LRP1B: variants seen among roughly 807,000 people sequenced by gnomAD.
LRP1B encodes the protein LDL receptor related protein 1B, also known as low-density lipoprotein receptor-related protein 1B.
In LRP1B, 217 loss-of-function variants were observed where a neutral mutation model predicts 556.6. That is an observed-to-expected ratio of 0.39 (90% CI 0.35 to 0.44). LRP1B has a LOEUF of 0.44. Ranked by LOEUF, LRP1B falls within the 20% of genes least tolerant of loss-of-function variation. The pLI, the probability that LRP1B is intolerant of heterozygous loss-of-function variation, is 1.00. For missense variants in LRP1B, 5,053 were observed against 5,620.8 expected, an observed-to-expected ratio of 0.90 and a Z score of 3.23; for synonymous variants, 2,047 against 1,865.8, an observed-to-expected ratio of 1.10 and a Z score of -2.50.
chr2:141,098,731 C>T (rs1018107462), intron 7 of LRP1B, among the ~76,000 whole-genome samples: 132 of 152,322 alleles, frequency 8.7e-4, no homozygotes, highest in Non-Finnish European at 4.3e-4. Context: ...GATCTTGGCT[C>T]ACTGAAACCT....
At chr2:141,955,733 G>A (rs1701228923) in intron 1 of LRP1B, among the ~76,000 whole-genome samples, 1 of 152,014 alleles carries the variant, frequency 6.6e-6, no homozygotes, top group African/African-American at 2.4e-5. Context: ...CACAGCTACT[G>A]TTGCCCGACC....
rs2104906682 is a variant in LRP1B, at chr2:140,506,776, G to C, written c.8521+20C>G. 1 of 1,596,772 alleles carries C rather than the reference G, an allele frequency of 6.3e-7. No homozygotes were observed. The highest frequency in any genetic ancestry group is 8.5e-7 in the Non-Finnish European group (1 of 1,173,704). ...CTCTTAGCCTAGGAATCTCCTTCAT[G>C]AAGTTTTAGATGTACTTACCACACT... On this transcript the variant is annotated intron_variant, in intron 53 of 90. Coordinates refer to ENST00000389484, the MANE Select transcript of LRP1B (RefSeq NM_018557.3).
At chr2:141,677,109 G>A (rs970894627) in intron 2 of LRP1B, among the ~76,000 whole-genome samples, 8 of 152,218 alleles carry the variant, frequency 5.3e-5, no homozygotes, top group Non-Finnish European at 1.2e-4. Context: ...GGCTGGAAGA[G>A]AAAGAAATAA....
intron 2 of LRP1B, among the ~76,000 whole-genome samples, chr2:141,628,447 TA>T (rs552106778): frequency 1.8e-3 from 259 of 147,798 alleles, no homozygotes; most frequent in Admixed American, 2.7e-3. Context: ...GAATAGGATG[TA>T]AAAAAAAAAA....
intron 3 of LRP1B, among the ~76,000 whole-genome samples, chr2:141,413,400 T>A (rs558424818): frequency 1.3e-5 from 2 of 152,044 alleles, no homozygotes; most frequent in East Asian, 3.9e-4. Flanking sequence ...GATGAAGGAA[T>A]GAGGCCATGA....
At chr2:140,542,084 GA>G in intron 43 of LRP1B, 113 bp from the exon 44 acceptor site, 1 of 601,754 alleles carries the variant, frequency 1.7e-6, no homozygotes, top group South Asian at 4.4e-5. Context: ...TTAATTAACA[GA>G]AATCATCAGA....
chr2:141,814,035 G>C lies in LRP1B; in HGVS notation c.83-3634C>G, dbSNP rs756715822. Among the ~76,000 whole-genome samples the C allele has an allele frequency of 7.9e-5, 12 of 152,246 alleles. No homozygotes were observed. The South Asian group carries it at 2.5e-3, about 32-fold the overall frequency. ...GAACCAATTGGAGGCAGAAGTGAAGGCTTGGCCCGCAACCAATTGAGAGCT... is the reference window on the plus strand; with the variant it reads ...GAACCAATTGGAGGCAGAAGTGAAGCCTTGGCCCGCAACCAATTGAGAGCT... On this transcript the variant is annotated intron_variant, in intron 1 of 90. Coordinates refer to ENST00000389484, the MANE Select transcript of LRP1B (RefSeq NM_018557.3).
chr2:141,459,251 A>G (rs7578492), intron 3 of LRP1B, among the ~76,000 whole-genome samples: 141,726 of 152,178 alleles, frequency 0.93, 66,850 homozygotes, highest in East Asian at 1. Flanking sequence ...ACGTGTATGT[A>G]TATGTGTGTG....
chr2:141,432,071 T>C (rs531933129), intron 3 of LRP1B, among the ~76,000 whole-genome samples: 125 of 152,258 alleles, frequency 8.2e-4, no homozygotes, highest in African/African-American at 2.9e-3. Flanking sequence ...AGTCTTTCAC[T>C]ACCAAGTATG....
At chr2:141,363,308 G>C (rs1688903782) in intron 3 of LRP1B, among the ~76,000 whole-genome samples, 2 of 152,136 alleles carry the variant, frequency 1.3e-5, no homozygotes, top group Non-Finnish European at 2.9e-5. Flanking sequence ...AACTTTCTAA[G>C]CTGAGCTTTA....
At chr2:140,625,157 G>A (rs894443370) in intron 41 of LRP1B, among the ~76,000 whole-genome samples, 7 of 152,160 alleles carry the variant, frequency 4.6e-5, no homozygotes, top group Non-Finnish European at 1.0e-4. Flanking sequence ...CTACTCTGGA[G>A]AAGGGTAGAA....
At chr2:142,000,385 G>A (rs1702618357) in intron 1 of LRP1B, among the ~76,000 whole-genome samples, 1 of 152,202 alleles carries the variant, frequency 6.6e-6, no homozygotes, top group Non-Finnish European at 1.5e-5. Context: ...CTGGGCCAAA[G>A]TGGTCCTAAA....
chr2:140,518,930 T>C (rs114055104), intron 49 of LRP1B, among the ~76,000 whole-genome samples: 1,694 of 152,056 alleles, frequency 0.011, 26 homozygotes, highest in African/African-American at 0.036. Context: ...TTTCTTTCTC[T>C]TGCCTGATTG....
intron 31 of LRP1B, among the ~76,000 whole-genome samples, chr2:140,834,568 C>A (rs561450493): frequency 9.2e-5 from 14 of 152,258 alleles, no homozygotes; most frequent in African/African-American, 3.1e-4. Flanking sequence ...CGGCTTTGCT[C>A]TTTCCTCTCT....
In LRP1B at chr2:141,055,403, G is replaced by A. The variant is rs889160098; in HGVS notation, c.1409-144C>T. 15 of 697,322 alleles carry A rather than the reference G, an allele frequency of 2.2e-5. No individual in the cohort carries two copies. In the Admixed American group the frequency reaches 2.3e-4, roughly 11 times the overall value. 43.2% of individuals were successfully genotyped at this position (697,322 alleles called of 1,614,324 possible). On this transcript the variant is annotated intron_variant, in intron 9 of 90. Transcript: ENST00000389484. ...TACTCAACTATTTAGCACCATAATC[G>A]AATGCAAAAGAGTGTAAACCCCATA...
At chr2:140,415,393 C>G (rs1685148939) in intron 66 of LRP1B, among the ~76,000 whole-genome samples, 1 of 152,132 alleles carries the variant, frequency 6.6e-6, no homozygotes, top group African/African-American at 2.4e-5. Context: ...TGTACCTACT[C>G]CCTGTTCTTA....
At chr2:140,684,527 C>G (rs1685977978) in intron 41 of LRP1B, among the ~76,000 whole-genome samples, 1 of 152,148 alleles carries the variant, frequency 6.6e-6, no homozygotes, top group Admixed American at 6.5e-5. Context: ...ATCCGAATCC[C>G]AGTTTTGTGA....
At chr2:141,193,135 G>T (rs536939915) in intron 6 of LRP1B, among the ~76,000 whole-genome samples, 4 of 152,114 alleles carry the variant, frequency 2.6e-5, no homozygotes, top group African/African-American at 9.6e-5. Context: ...TTGTCGATGG[G>T]ATCGTAAATT....
chr2:141,592,736 A>T (rs1343171976), intron 2 of LRP1B, among the ~76,000 whole-genome samples: 1 of 152,134 alleles, frequency 6.6e-6, no homozygotes, highest in Non-Finnish European at 1.5e-5. Flanking sequence ...AAATTCCTTT[A>T]TTCCTCCCAT....
Sources: allele counts gnomAD v4.1 joint callset (sites outside exome capture counted in the v4.1 genomes callset), GRCh38; gene constraint gnomAD v4.1.1; transcripts MANE v1.5; gene names NCBI Gene and HGNC (gene_info 2026-07-23, HGNC 2026-07-21).